Variants in KAZN observed in about 807,000 individuals in gnomAD.
KAZN encodes the protein kazrin.
Under a neutral mutation model 87.4 loss-of-function variants are expected in KAZN, and 40 were observed. The ratio of observed to expected loss-of-function variants is 0.46; its 90% confidence interval spans 0.36 to 0.60. The LOEUF (loss-of-function observed/expected upper bound fraction) is 0.60. Among genes scored for constraint, KAZN ranks in the 20% least tolerant of loss-of-function variants. KAZN has a pLI of 0.00. For synonymous variants in KAZN, 466 were observed against 458.3 expected, an observed-to-expected ratio of 1.02 and a Z score of -0.22; for missense variants, 898 against 1,073.9, an observed-to-expected ratio of 0.84 and a Z score of 2.29.
At chr1:14,946,990 G>A (rs1661881857) in intron 1 of KAZN, among the ~76,000 whole-genome samples, 1 of 152,224 alleles carries the variant, frequency 6.6e-6, no homozygotes, top group Non-Finnish European at 1.5e-5. Flanking sequence ...AACCTGCTCT[G>A]TGAGGTGTGG....
chr1:15,071,926 G>T (rs1383009080), intron 8 of KAZN, among the ~76,000 whole-genome samples: 1 of 152,078 alleles, frequency 6.6e-6, no homozygotes. Flanking sequence ...GCTGTTAATC[G>T]CACCAATACA....
chr1:14,712,538 T>C (rs1407370127), intron 1 of KAZN, among the ~76,000 whole-genome samples: 8 of 152,176 alleles, frequency 5.3e-5, no homozygotes, highest in South Asian at 2.1e-4. Context: ...AACCAGGCCC[T>C]GGGAAATAGA....
At chr1:14,992,465 G>A (rs1201479430) in intron 2 of KAZN, among the ~76,000 whole-genome samples, 1 of 152,128 alleles carries the variant, frequency 6.6e-6, no homozygotes, top group Non-Finnish European at 1.5e-5. Flanking sequence ...TGAGGACCTG[G>A]GGTCCAAATT....
At chr1:13,925,159 G>A (rs554481994) in intron 1 of KAZN, among the ~76,000 whole-genome samples, 1 of 152,308 alleles carries the variant, frequency 6.6e-6, no homozygotes, top group South Asian at 2.1e-4. Context: ...ACATTTCACA[G>A]CGATGGGATC....
chr1:15,045,163 C>T (rs1283901997), intron 4 of KAZN, among the ~76,000 whole-genome samples: 1 of 152,110 alleles, frequency 6.6e-6, no homozygotes, highest in East Asian at 1.9e-4. Context: ...AGTCTTAATC[C>T]CACCCTACCT....
intron 2 of KAZN, among the ~76,000 whole-genome samples, chr1:15,000,252 AGGCTGGG>A (rs1314437329): frequency 6.7e-6 from 1 of 150,242 alleles, no homozygotes; most frequent in Non-Finnish European, 1.5e-5. Context: ...CGGCCTCTAA[AGGCTGGG>A]AAAGGCAAGG....
intron 1 of KAZN, among the ~76,000 whole-genome samples, chr1:14,630,967 A>G (rs1296715104): frequency 1.3e-5 from 2 of 152,254 alleles, no homozygotes; most frequent in African/African-American, 2.4e-5. Context: ...ACATAATTTC[A>G]TAACTAGTAT....
chr1:14,473,644 AAAAAAAAAACACAAAAAC>A (rs1668570213), intron 2 of KAZN, among the ~76,000 whole-genome samples: 1 of 148,476 alleles, frequency 6.7e-6, no homozygotes, highest in Non-Finnish European at 1.5e-5. Context: ...TCTCAAAAAA[AAAAAAAAAACACAAAAAC>A]AAAAAAAAAC....
At chr1:15,101,799 G>C (rs750831990) in intron 11 of KAZN, 25 bp downstream of exon 11, 4 of 1,508,382 alleles carry the variant, frequency 2.7e-6, no homozygotes, top group Non-Finnish European at 3.6e-6. Flanking sequence ...ACAGGGTGGG[G>C]GCACCTTCCA....
At chr1:14,917,086 A>G (rs1337919727) in intron 1 of KAZN, among the ~76,000 whole-genome samples, 1 of 152,174 alleles carries the variant, frequency 6.6e-6, no homozygotes, top group African/African-American at 2.4e-5. Flanking sequence ...GGAGGAGATC[A>G]GGATTTCTGC....
At chr1:14,207,084 C>T (rs975947281) in intron 2 of KAZN, among the ~76,000 whole-genome samples, 10 of 151,964 alleles carry the variant, frequency 6.6e-5, no homozygotes, top group African/African-American at 1.9e-4. Flanking sequence ...CTGCCTCAGC[C>T]TCTCAAGTAG....
intron 2 of KAZN, among the ~76,000 whole-genome samples, chr1:14,267,967 AAAGAG>A (rs1272313484): frequency 2.0e-5 from 3 of 152,216 alleles, no homozygotes; most frequent in East Asian, 1.9e-4. Context: ...CTCGAAAAGA[AAAGAG>A]AAAAGAAAAG....
chr1:14,371,589 A>T (rs1436766831), intron 2 of KAZN, among the ~76,000 whole-genome samples: 2 of 152,090 alleles, frequency 1.3e-5, no homozygotes, highest in Non-Finnish European at 2.9e-5. Context: ...GTTTCTTGGT[A>T]CCCTCTTGGA....
intron 1 of KAZN, among the ~76,000 whole-genome samples, chr1:14,707,288 G>A (rs1319119049): frequency 2.0e-5 from 3 of 152,184 alleles, no homozygotes; most frequent in Non-Finnish European, 1.5e-5. Flanking sequence ...GCATTTGGAG[G>A]TAATAAATGC....
rs572186059 is a variant in KAZN, at chr1:14,773,386, C to T, written c.226+174163C>T. The stretch of plus-strand genomic sequence containing the variant: ...CATTGCTTCAAATGGCTTTCAACAA[C>T]GCCCTCCACTCCACGGGGTCTCCCT... On this transcript the variant is annotated intron_variant, in intron 1 of 14. Transcript: ENST00000376030. The surrounding 1 kb of genome is among the most constrained non-coding windows in gnomAD (Gnocchi z 5.9). Among the ~76,000 whole-genome samples the T allele has an allele frequency of 3.9e-5, 6 of 152,244 alleles. No individual in the cohort carries two copies. The South Asian group carries it at 1.2e-3, about 32-fold the overall frequency.
chr1:14,704,164 A>G (rs1642081803), intron 1 of KAZN, among the ~76,000 whole-genome samples: 1 of 152,236 alleles, frequency 6.6e-6, no homozygotes, highest in African/African-American at 2.4e-5. Context: ...AGAGACACCT[A>G]GAAGACTGTA....
At chr1:14,173,035 C>A (rs569405631) in intron 1 of KAZN, among the ~76,000 whole-genome samples, 1 of 152,202 alleles carries the variant, frequency 6.6e-6, no homozygotes, top group African/African-American at 2.4e-5. Flanking sequence ...CTTAGAAATC[C>A]CAGGGCACCA....
chr1:15,072,436 A>T (rs1639546089), intron 8 of KAZN, among the ~76,000 whole-genome samples: 1 of 152,204 alleles, frequency 6.6e-6, no homozygotes, highest in Non-Finnish European at 1.5e-5. Flanking sequence ...CAGAACAGGG[A>T]GGGTTTGAGT....
intron 1 of KAZN, among the ~76,000 whole-genome samples, chr1:14,038,828 T>C (rs1641673602): frequency 6.6e-6 from 1 of 152,124 alleles, no homozygotes; most frequent in Non-Finnish European, 1.5e-5. Flanking sequence ...CAATTCCCTT[T>C]ACAAATAACT....
Sources: allele counts gnomAD v4.1 joint callset (sites outside exome capture counted in the v4.1 genomes callset), GRCh38; gene constraint gnomAD v4.1.1; non-coding constraint Gnocchi (gnomAD v3.1); transcripts MANE v1.5; gene names NCBI Gene and HGNC (gene_info 2026-07-23, HGNC 2026-07-21).